LRRIQ3: variants seen among roughly 807,000 people sequenced by gnomAD.
LRRIQ3 encodes the protein leucine rich repeats and IQ motif containing 3, also known as leucine-rich repeat and IQ domain-containing protein 3.
A neutral mutation model predicts 59.3 loss-of-function variants in LRRIQ3; 75 were observed. The ratio of observed to expected loss-of-function variants is 1.26; its 90% confidence interval spans 1.05 to 1.53. LRRIQ3 has a LOEUF of 1.53. Ranked by LOEUF, LRRIQ3 falls within the 40% of genes most tolerant of loss-of-function variation. The probability of loss-of-function intolerance (pLI) is 0.00; values close to 1 mark genes in which losing one functional copy is unlikely to be tolerated. For synonymous variants in LRRIQ3, 250 were observed against 231.3 expected, an observed-to-expected ratio of 1.08 and a Z score of -0.73; for missense variants, 831 against 710.0, an observed-to-expected ratio of 1.17 and a Z score of -1.94.
At chr1:74,132,148 T>G (rs1195443710) in intron 4 of LRRIQ3, among the ~76,000 whole-genome samples, 5 of 152,002 alleles carry the variant, frequency 3.3e-5, no homozygotes, top group Non-Finnish European at 7.4e-5. Context: ...ATAAAATACC[T>G]AGGAATCCAA....
At chr1:74,032,952 G>T (rs1215199600) in intron 7 of LRRIQ3, among the ~76,000 whole-genome samples, 4 of 151,948 alleles carry the variant, frequency 2.6e-5, no homozygotes, top group African/African-American at 9.7e-5. Context: ...AAAATATATA[G>T]AATTTTATAA....
chr1:74,154,240 C>CAAACAAAAAAAAAAAAAAAA (rs1648176929), intron 4 of LRRIQ3, among the ~76,000 whole-genome samples: 5 of 57,290 alleles, frequency 8.7e-5, no homozygotes, highest in African/African-American at 3.6e-4. Flanking sequence ...GACTCCTTCT[C>CAAACAAAAAAAAAAAAAAAA]AAAAAAAAAA....
intron 6 of LRRIQ3, among the ~76,000 whole-genome samples, chr1:74,048,340 TA>T (rs1311005027): frequency 4.6e-5 from 7 of 152,314 alleles, no homozygotes; most frequent in Non-Finnish European, 8.8e-5. Flanking sequence ...ATAATTCTTC[TA>T]ATTTGGAGAG....
intron 7 of LRRIQ3, among the ~76,000 whole-genome samples, chr1:74,029,432 C>T (rs1002841507): frequency 6.6e-6 from 1 of 151,970 alleles, no homozygotes; most frequent in Non-Finnish European, 1.5e-5. Context: ...TGTCAAAGGC[C>T]TTTTCTGCAT....
chr1:74,069,732 C>T (rs1212919220), intron 6 of LRRIQ3, among the ~76,000 whole-genome samples: 1 of 151,972 alleles, frequency 6.6e-6, no homozygotes, highest in Non-Finnish European at 1.5e-5. Context: ...CAAGTAGGTG[C>T]ATGGAGACTT....
intron 1 of LRRIQ3, among the ~76,000 whole-genome samples, chr1:74,189,748 C>T (rs552079104): frequency 6.6e-6 from 1 of 152,214 alleles, no homozygotes; most frequent in East Asian, 1.9e-4. Context: ...TGTTCTCATT[C>T]TCTCTTGTCT....
At chr1:74,155,388 T>G (rs1205801311) in intron 4 of LRRIQ3, among the ~76,000 whole-genome samples, 1 of 152,210 alleles carries the variant, frequency 6.6e-6, no homozygotes, top group African/African-American at 2.4e-5. Context: ...ATTGACGTGG[T>G]AGCAGATGTG....
chr1:74,194,554 A>T (rs923998558), intron 1 of LRRIQ3, among the ~76,000 whole-genome samples: 3 of 152,132 alleles, frequency 2.0e-5, no homozygotes, highest in African/African-American at 4.8e-5. Flanking sequence ...TCAGAAAAAA[A>T]GCTTTTGTGA....
intron 4 of LRRIQ3, among the ~76,000 whole-genome samples, chr1:74,116,584 G>C (rs1000975851): frequency 6.6e-6 from 1 of 151,950 alleles, no homozygotes; most frequent in Non-Finnish European, 1.5e-5. Context: ...AAAAATATTA[G>C]ATAATTTTTA....
intron 3 of LRRIQ3, among the ~76,000 whole-genome samples, chr1:74,166,296 T>G (rs985608343): frequency 1.3e-5 from 2 of 151,670 alleles, no homozygotes; most frequent in Non-Finnish European, 3.0e-5. Context: ...TTTGTGTTTT[T>G]TTTTCTGTAG....
chr1:74,185,222 T>A (rs1650280971), intron 1 of LRRIQ3, among the ~76,000 whole-genome samples: 1 of 152,236 alleles, frequency 6.6e-6, no homozygotes, highest in African/African-American at 2.4e-5. Context: ...AAAAAACTGC[T>A]ACTGTCTTCC....
At chr1:74,188,203 T>G (rs1319998354) in intron 1 of LRRIQ3, among the ~76,000 whole-genome samples, 2 of 152,050 alleles carry the variant, frequency 1.3e-5, no homozygotes, top group South Asian at 2.1e-4. Context: ...CCCTTATATG[T>G]GGAAGCTAAA....
In LRRIQ3 at chr1:74,112,870, G is replaced by A. The variant is rs1209177127; in HGVS notation, c.708-3317C>T. ...GGGCTACAGTATCCCGGATTGTTAC[G>A]ATACATTACCTAAAATGTCTAATTT... is the stretch of plus-strand genomic sequence containing the variant. On this transcript the variant is annotated intron_variant, in intron 4 of 7. Coordinates refer to ENST00000354431, the MANE Select transcript of LRRIQ3 (RefSeq NM_001105659.2). Among the ~76,000 whole-genome samples the A allele has an allele frequency of 2.6e-5, 4 of 151,952 alleles. No homozygotes were observed. In the East Asian group the frequency reaches 5.8e-4, roughly 22 times the overall value.
At chr1:74,071,612 T>TA (rs1410893902) in intron 6 of LRRIQ3, among the ~76,000 whole-genome samples, 16 of 152,290 alleles carry the variant, frequency 1.1e-4, no homozygotes, top group African/African-American at 3.4e-4. Context: ...ATGTTATTAG[T>TA]ACAGTTTCAT....
At chr1:74,162,545 G>A (rs1023879996) in intron 3 of LRRIQ3, among the ~76,000 whole-genome samples, 2 of 151,690 alleles carry the variant, frequency 1.3e-5, no homozygotes, top group Non-Finnish European at 3.0e-5. Context: ...TTATAATTAT[G>A]ACTCATATGG....
intron 7 of LRRIQ3, among the ~76,000 whole-genome samples, chr1:74,037,831 T>G (rs1413289475): frequency 6.6e-6 from 1 of 152,076 alleles, no homozygotes; most frequent in Non-Finnish European, 1.5e-5. Context: ...GAAACCGTGC[T>G]TTTTCCATGG....
chr1:74,164,281 TAG>T (rs1422730443), intron 3 of LRRIQ3, among the ~76,000 whole-genome samples: 1 of 151,518 alleles, frequency 6.6e-6, no homozygotes, highest in Non-Finnish European at 1.5e-5. Context: ...TATTTGGAGA[TAG>T]AGTTCTAAGA....
At chr1:74,180,651 C>T in intron 3 of LRRIQ3, 1 of 1,450,978 alleles carries the variant, frequency 6.9e-7, no homozygotes, top group Non-Finnish European at 9.4e-7. Context: ...ACACTCAAAT[C>T]TCTGCACTGT....
chr1:74,042,667 C>A (rs1654082824), intron 6 of LRRIQ3, among the ~76,000 whole-genome samples: 1 of 152,182 alleles, frequency 6.6e-6, no homozygotes, highest in East Asian at 1.9e-4. Context: ...CATTGTAATC[C>A]ATTTTACCTT....
Sources: allele counts gnomAD v4.1 joint callset (sites outside exome capture counted in the v4.1 genomes callset), GRCh38; gene constraint gnomAD v4.1.1; transcripts MANE v1.5; gene names NCBI Gene and HGNC (gene_info 2026-07-23, HGNC 2026-07-21).